The following TRPM3 variants were observed in gnomAD, a reference collection of about 807,000 sequenced individuals.
TRPM3 encodes long transient receptor potential channel 3.
A neutral mutation model predicts 181.2 loss-of-function variants in TRPM3; 77 were observed. That is an observed-to-expected ratio of 0.42 (90% CI 0.35 to 0.51). TRPM3 has a LOEUF of 0.51. Ranked by LOEUF, TRPM3 falls within the 20% of genes least tolerant of loss-of-function variation. The probability of loss-of-function intolerance (pLI) is 0.01; values close to 1 mark genes in which losing one functional copy is unlikely to be tolerated. For synonymous variants in TRPM3, 745 were observed against 796.4 expected, an observed-to-expected ratio of 0.94 and a Z score of 1.09; for missense variants, 1,759 against 2,196.7, an observed-to-expected ratio of 0.80 and a Z score of 3.98.
In TRPM3 at chr9:70,607,790, C is replaced by T. The variant is rs563545305; in HGVS notation, c.2667+2819G>A. 1.2e-4 allele frequency among the ~76,000 whole-genome samples: 19 copies of T among 152,188 alleles called. 1 individual carries two copies. In the South Asian group the frequency reaches 2.3e-3, roughly 18 times the overall value. On this transcript the variant is annotated intron_variant, in intron 19 of 25. Coordinates refer to ENST00000677713, the MANE Select transcript of TRPM3 (RefSeq NM_001366145.2). The stretch of plus-strand genomic sequence containing the variant: ...TATTATTTCTACTGATTTCTGCTCT[C>T]GGGAGTCTGTAAACTTTTTCTGCAA...
At chr9:70,948,117 AT>A (rs5898171) in intron 1 of TRPM3, among the ~76,000 whole-genome samples, 53,675 of 143,600 alleles carry the variant, frequency 0.37, 9,712 homozygotes, top group African/African-American at 0.45. Context: ...TGAAAAGCCA[AT>A]TTTTTTTTTT....
intron 1 of TRPM3, among the ~76,000 whole-genome samples, chr9:70,948,226 T>A (rs2096957727): frequency 6.7e-6 from 1 of 148,942 alleles, no homozygotes; most frequent in African/African-American, 2.6e-5. Flanking sequence ...ATCATGCAGT[T>A]TTTCTTCTCC....
intron 1 of TRPM3, among the ~76,000 whole-genome samples, chr9:70,885,672 C>T (rs1163867254): frequency 6.6e-6 from 1 of 152,138 alleles, no homozygotes; most frequent in African/African-American, 2.4e-5. Flanking sequence ...ACCAGGAAAA[C>T]CTTAGCTCGC....
intron 1 of TRPM3, among the ~76,000 whole-genome samples, chr9:71,107,961 G>T (rs1292379399): frequency 6.6e-6 from 1 of 152,128 alleles, no homozygotes; most frequent in African/African-American, 2.4e-5. Context: ...AATTGACAAA[G>T]CTTGTGGAAC....
At chr9:71,053,276 G>C (rs1005325903) in intron 1 of TRPM3, among the ~76,000 whole-genome samples, 2 of 151,924 alleles carry the variant, frequency 1.3e-5, no homozygotes, top group African/African-American at 4.8e-5. Flanking sequence ...AGGCTACTAA[G>C]CTAACTCACC....
At chr9:70,933,345 A>G (rs2096793815) in intron 1 of TRPM3, among the ~76,000 whole-genome samples, 1 of 152,214 alleles carries the variant, frequency 6.6e-6, no homozygotes, top group Non-Finnish European at 1.5e-5. Flanking sequence ...GGGTAAGAGG[A>G]GAATAGGATC....
At chr9:71,075,265 T>C (rs1371833569) in intron 1 of TRPM3, among the ~76,000 whole-genome samples, 3 of 152,210 alleles carry the variant, frequency 2.0e-5, no homozygotes, top group African/African-American at 7.2e-5. Flanking sequence ...GTTTATGGCT[T>C]TGCACAAGAT....
Position 70,625,124 on chromosome 9 carries a change from G to T in TRPM3, c.1809+67C>A. On this transcript the variant is annotated intron_variant, in intron 14 of 25. Coordinates refer to ENST00000677713, the MANE Select transcript of TRPM3 (RefSeq NM_001366145.2). The surrounding 1 kb of genome is among the most constrained non-coding windows in gnomAD (Gnocchi z 4.8). Reference sequence around the variant, plus strand: ...TTTAATTCCCCTTGGAGACAAAGAAGCCACAACCCAAATCCCATACACCCT... The same window carrying T: ...TTTAATTCCCCTTGGAGACAAAGAATCCACAACCCAAATCCCATACACCCT... The T allele has an allele frequency of 6.4e-7, 1 of 1,555,928 alleles. No individual in the cohort carries two copies. The highest frequency in any genetic ancestry group is 1.2e-5 in the South Asian group (1 of 84,164).
chr9:71,000,805 C>T lies in TRPM3; in HGVS notation c.177+120373G>A, dbSNP rs543974239. Reference sequence around the variant, plus strand: ...AGGTGGAGTCATTTTCTAATTTTTTCATTAGTATCCATAAAATAAAAATCT... The same window carrying T: ...AGGTGGAGTCATTTTCTAATTTTTTTATTAGTATCCATAAAATAAAAATCT... On this transcript the variant is annotated intron_variant, in intron 1 of 25. Coordinates refer to ENST00000677713, the MANE Select transcript of TRPM3 (RefSeq NM_001366145.2). Among the ~76,000 whole-genome samples, 4 of 152,192 alleles carry T rather than the reference C, an allele frequency of 2.6e-5. No homozygotes were observed. The East Asian group carries it at 7.7e-4, about 29-fold the overall frequency.
chr9:70,756,065 T>A (rs1225750345), intron 8 of TRPM3, among the ~76,000 whole-genome samples: 1 of 151,410 alleles, frequency 6.6e-6, no homozygotes, highest in Non-Finnish European at 1.5e-5. Flanking sequence ...GAGACCTATC[T>A]CACATGCAAA....
chr9:70,881,720 G>T (rs1035372123), intron 1 of TRPM3, among the ~76,000 whole-genome samples: 7 of 152,180 alleles, frequency 4.6e-5, no homozygotes, highest in African/African-American at 1.2e-4. Context: ...ACATTGCAAT[G>T]GTGCTTTTGG....
At chr9:71,177,618 T>A (rs184852415) in intron 1 of TRPM3, among the ~76,000 whole-genome samples, 61,139 of 151,930 alleles carry the variant, frequency 0.4, 12,606 homozygotes, top group East Asian at 0.52. Context: ...CTTGAGTCAT[T>A]CATGTATTAG....
intron 1 of TRPM3, among the ~76,000 whole-genome samples, chr9:71,235,211 A>G (rs867739289): frequency 4.6e-5 from 7 of 152,218 alleles, no homozygotes; most frequent in Non-Finnish European, 1.0e-4. Context: ...TCACCTATTC[A>G]GGACTCTGCT....
intron 21 of TRPM3, among the ~76,000 whole-genome samples, chr9:70,592,319 G>C (rs1350199249): frequency 6.6e-6 from 1 of 152,148 alleles, no homozygotes; most frequent in Non-Finnish European, 1.5e-5. Context: ...TATTGGCTTT[G>C]CTTTGTTTTG....
intron 1 of TRPM3, among the ~76,000 whole-genome samples, chr9:71,381,974 G>A (rs1208863794): frequency 6.6e-6 from 1 of 152,040 alleles, no homozygotes; most frequent in Non-Finnish European, 1.5e-5. Context: ...TTGGGAGAGG[G>A]GAAGGTAAAA....
chr9:70,963,804 C>G (rs1227761029), intron 1 of TRPM3, among the ~76,000 whole-genome samples: 1 of 152,022 alleles, frequency 6.6e-6, no homozygotes, highest in Non-Finnish European at 1.5e-5. Flanking sequence ...AAATGCATCT[C>G]CTGCATCAAC....
chr9:70,575,547 G>A (rs569282345), intron 22 of TRPM3, among the ~76,000 whole-genome samples: 3 of 152,104 alleles, frequency 2.0e-5, no homozygotes, highest in Admixed American at 6.5e-5. Context: ...CTCTGACACT[G>A]ATGCACATTT....
At chr9:71,157,354 T>C (rs911286796) in intron 1 of TRPM3, among the ~76,000 whole-genome samples, 9 of 152,150 alleles carry the variant, frequency 5.9e-5, no homozygotes, top group Non-Finnish European at 7.4e-5. Context: ...ACAACACATT[T>C]AAAAGTATTA....
At chr9:71,126,286 G>A (rs2074028092), upstream of TRPM3, among the ~76,000 whole-genome samples, 1 of 152,204 alleles carries the variant, frequency 6.6e-6, no homozygotes. Context: ...TGGTGGGAAT[G>A]TAAATTAGTT....
Sources: allele counts gnomAD v4.1 joint callset (sites outside exome capture counted in the v4.1 genomes callset), GRCh38; gene constraint gnomAD v4.1.1; non-coding constraint Gnocchi (gnomAD v3.1); transcripts MANE v1.5; gene names NCBI Gene and HGNC (gene_info 2026-07-23, HGNC 2026-07-21).